The following BNIP3 variants were observed in gnomAD, a reference collection of about 807,000 sequenced individuals.
The protein encoded by BNIP3 is BCL2 interacting protein 3.
A neutral mutation model predicts 23.9 loss-of-function variants in BNIP3; 16 were observed. The ratio of observed to expected loss-of-function variants is 0.67; its 90% CI spans 0.45 to 1.01. The LOEUF is 1.01. BNIP3 is among the 50% of genes least tolerant of loss of function. The pLI, the probability that BNIP3 is intolerant of heterozygous loss-of-function variation, is 0.00. For missense variants in BNIP3, 198 were observed against 248.7 expected (o/e 0.80, Z 1.37); for synonymous variants, 81 against 89.3 (o/e 0.91, Z 0.53).
intron 2 of BNIP3, chr10:131,973,546 G>A (rs2037057978): frequency 3.6e-6 from 2 of 552,386 alleles, no homozygotes; most frequent in East Asian, 3.0e-5. Flanking sequence ...AGTGGGGTTT[G>A]TGGCTGTTCC....
chr10:131,970,598 C>T lies in BNIP3; in HGVS notation c.539+40G>A, dbSNP rs376601550. 1.1e-5 allele frequency: 17 copies of T among 1,604,518 alleles called. No homozygotes were observed. The highest frequency in any genetic ancestry group is 9.4e-5 in the African/African-American group (7 of 74,718). Reference sequence around the variant, plus strand: ...ATCACTGCAACCCAGAATCGCCCCACGACATGCCATGACAGGAGTCACACA... The same window carrying T: ...ATCACTGCAACCCAGAATCGCCCCATGACATGCCATGACAGGAGTCACACA... On this transcript the variant is annotated intron_variant, in intron 5 of 5. Coordinates refer to ENST00000368636, the MANE Select transcript of BNIP3 (RefSeq NM_004052.4). This position sits in a 1 kb window ranked among gnomAD's most constrained non-coding sequence, Gnocchi z 4.1.
intron 1 of BNIP3, among the ~76,000 whole-genome samples, chr10:131,978,013 G>A (rs2037093143): frequency 6.6e-6 from 1 of 152,148 alleles, no homozygotes; most frequent in African/African-American, 2.4e-5. Flanking sequence ...TTACAGTAAG[G>A]TTGCTTAATA....
intron 1 of BNIP3, among the ~76,000 whole-genome samples, chr10:131,975,910 A>G (rs45469695): frequency 0.01 from 1,557 of 152,344 alleles, 23 homozygotes; most frequent in African/African-American, 0.033. Context: ...CTGGAGCTCA[A>G]TGGAGGAGAA....
intron 1 of BNIP3, 151 bp from the exon 2 acceptor site, chr10:131,974,094 C>G (rs1249498085): frequency 1.0e-6 from 1 of 991,262 alleles, no homozygotes; most frequent in Admixed American, 2.5e-5. Flanking sequence ...GAAGACATCC[C>G]TCTGCCCACT....
intron 1 of BNIP3, among the ~76,000 whole-genome samples, chr10:131,978,831 G>A (rs928598926): frequency 2.6e-5 from 4 of 152,204 alleles, no homozygotes; most frequent in Non-Finnish European, 5.9e-5. Flanking sequence ...AACCCCCGAG[G>A]GAACTAGCAC....
intron 1 of BNIP3, among the ~76,000 whole-genome samples, chr10:131,975,328 T>C (rs917991828): frequency 6.6e-6 from 1 of 152,258 alleles, no homozygotes; most frequent in Non-Finnish European, 1.5e-5. Context: ...GGTTTATTTA[T>C]TTAAAGCAAA....
rs1322699836 is a variant in BNIP3, at chr10:131,976,765, C to T, written c.47-2822G>A. On this transcript the variant is annotated intron_variant, in intron 1 of 5. Transcript: ENST00000368636. The surrounding 1 kb of genome is among the most constrained non-coding windows in gnomAD (Gnocchi z 4.3). ...GGAGGGGCTGCCCTGGGAATTTCTACCTCAAGTAACTATCCTGGGGCCACC... is the reference window on the plus strand; with the variant it reads ...GGAGGGGCTGCCCTGGGAATTTCTATCTCAAGTAACTATCCTGGGGCCACC... Among the ~76,000 whole-genome samples, 1 of 152,028 alleles carries T rather than the reference C, an allele frequency of 6.6e-6. No individual in the cohort carries two copies. The highest frequency in any genetic ancestry group is 1.5e-5 in the Non-Finnish European group (1 of 67,986).
rs2036992811 is a variant in BNIP3, at chr10:131,968,661, CTTATGCAAGGGGACTGGTGAT to C, written c.540-113_540-93del. 4 of 1,145,152 alleles carry C rather than the reference CTTATGCAAGGGGACTGGTGAT, an allele frequency of 3.5e-6. No individual in the cohort carries two copies. The East Asian group carries it at 9.5e-5, about 27-fold the overall frequency. The allele number at this position is 1,145,152 out of a possible 1,614,324, so 70.9% of individuals were successfully genotyped here. On this transcript the variant is annotated intron_variant, in intron 5 of 5. Transcript: ENST00000368636. ...ACAGGGTAGCTCACTGTGGTTAGAG[CTTATGCAAGGGGACTGGTGAT>C]TTTATACCCATTATAAAAATTTTGT...
chr10:131,978,130 C>T (rs1589977726), intron 1 of BNIP3, among the ~76,000 whole-genome samples: 1 of 152,020 alleles, frequency 6.6e-6, no homozygotes. Context: ...CAAGAAAAGC[C>T]CTCCTTCCTA....
In BNIP3 at chr10:131,970,343, C is replaced by T. The variant is rs1162831851; in HGVS notation, c.539+295G>A. The T allele has an allele frequency of 2.2e-6, 1 of 455,318 alleles. No homozygotes were observed. Among genetic ancestry groups the T allele is most frequent in the Non-Finnish European group, 4.0e-6 (1 of 252,642 alleles). The allele number at this position is 455,318 out of a possible 1,614,324, so 28.2% of individuals were successfully genotyped here. A position where few individuals can be genotyped will look rare whatever the true frequency, so the allele number is the denominator to read the frequency against. ...AAATGAGACTGCTTTCACCTACACA[C>T]AGGACAAAGAGGTCAGACCTAAGAA... is the stretch of plus-strand genomic sequence containing the variant. On this transcript the variant is annotated intron_variant, in intron 5 of 5. Transcript: ENST00000368636. This position sits in a 1 kb window ranked among gnomAD's most constrained non-coding sequence, Gnocchi z 4.1.
Position 131,972,718 on chromosome 10 carries a change from C to T in BNIP3, c.282+316G>A, listed in dbSNP as rs552789712. On this transcript the variant is annotated intron_variant, in intron 3 of 5. Coordinates refer to ENST00000368636, the MANE Select transcript of BNIP3 (RefSeq NM_004052.4). ...CCCCTTCCAATGGTCCCTCCCTCCT[C>T]TCTAGGCTGCAGCCACCAGGGAGCC... Among the ~76,000 whole-genome samples, 9 of 152,326 alleles carry T rather than the reference C, an allele frequency of 5.9e-5. No individual in the cohort carries two copies. The South Asian group carries it at 1.9e-3, about 32-fold the overall frequency.
chr10:131,981,086 A>T (rs896668666), intron 1 of BNIP3: 1 of 152,040 alleles, frequency 6.6e-6, no homozygotes, highest in Admixed American at 6.6e-5. Context: ...GCGAGCCTCT[A>T]CTCGGGCATT....
chr10:131,972,922 AAC>A, intron 3 of BNIP3, 110 bp downstream of exon 3: 1 of 1,047,654 alleles, frequency 9.5e-7, no homozygotes, highest in Non-Finnish European at 1.4e-6. Flanking sequence ...TAAAGCAGGA[AAC>A]ACCCTTAAAG....
chr10:131,977,153 C>T (rs2037084063), intron 1 of BNIP3, among the ~76,000 whole-genome samples: 1 of 151,966 alleles, frequency 6.6e-6, no homozygotes, highest in Non-Finnish European at 1.5e-5. Flanking sequence ...CCTGTAATCC[C>T]AGCTACTCGG....
rs531210020 is a variant in BNIP3, at chr10:131,967,793, C to G, written c.*731G>C. Reference sequence around the variant, plus strand: ...TTTAAAAGCACACAAAAGTTGAACACAAAGGAGAGGATTAAATTCACCAAT... The same window carrying G: ...TTTAAAAGCACACAAAAGTTGAACAGAAAGGAGAGGATTAAATTCACCAAT... On this transcript the variant is annotated 3_prime_UTR_variant, in exon 6 of 6. Transcript: ENST00000368636. 2.6e-5 allele frequency: 4 copies of G among 152,398 alleles called. No individual in the cohort carries two copies. The highest frequency in any genetic ancestry group is 7.2e-5 in the African/African-American group (3 of 41,502). 9.4% of individuals were successfully genotyped at this position (152,398 alleles called of 1,614,324 possible). A position where few individuals can be genotyped will look rare whatever the true frequency, so the allele number is the denominator to read the frequency against.
intron 1 of BNIP3, among the ~76,000 whole-genome samples, chr10:131,974,331 C>T: frequency 6.6e-6 from 1 of 152,194 alleles, no homozygotes; most frequent in East Asian, 1.9e-4. Flanking sequence ...ACAACAACAA[C>T]ACTAATGTCA....
chr10:131,977,198 G>C lies in BNIP3; in HGVS notation c.47-3255C>G, dbSNP rs189332946. ...GCAGAAGAATCCCTTGAACCTGAGA[G>C]GGGGAGGTTGCAGTGAGCCGAGATC... On this transcript the variant is annotated intron_variant, in intron 1 of 5. Transcript: ENST00000368636. Among the ~76,000 whole-genome samples, 9 of 152,214 alleles carry C rather than the reference G, an allele frequency of 5.9e-5. No individual in the cohort carries two copies. The East Asian group carries it at 1.6e-3, about 26-fold the overall frequency.
chr10:131,970,547 G>A lies in BNIP3; in HGVS notation c.539+91C>T. The A allele has an allele frequency of 6.7e-7, 1 of 1,486,456 alleles. No individual in the cohort carries two copies. Among genetic ancestry groups the A allele is most frequent in the South Asian group, 1.3e-5 (1 of 76,730 alleles). 92.1% of individuals were successfully genotyped at this position (1,486,456 alleles called of 1,614,324 possible). On this transcript the variant is annotated intron_variant, in intron 5 of 5. Coordinates refer to ENST00000368636, the MANE Select transcript of BNIP3 (RefSeq NM_004052.4). The surrounding 1 kb of genome is among the most constrained non-coding windows in gnomAD (Gnocchi z 4.1). ...GCACCAAGCTGTAACTGATGATCTG[G>A]ACTTCAGGAAACAGGTTACGAATAA...
chr10:131,980,755 A>G (rs1257453457), intron 1 of BNIP3: 2 of 152,250 alleles, frequency 1.3e-5, no homozygotes, highest in Non-Finnish European at 2.9e-5. Flanking sequence ...ATGAAGATTA[A>G]AAGTTCACTG....
Sources: allele counts gnomAD v4.1 joint callset (sites outside exome capture counted in the v4.1 genomes callset), GRCh38; gene constraint gnomAD v4.1.1; non-coding constraint Gnocchi (gnomAD v3.1); transcripts MANE v1.5; gene names NCBI Gene and HGNC (gene_info 2026-07-23, HGNC 2026-07-21).